RBM47: variants seen among roughly 807,000 people sequenced by gnomAD.
RBM47 encodes the protein RNA binding motif protein 47.
A neutral mutation model predicts 47.1 loss-of-function variants in RBM47; 21 were observed. That is an observed-to-expected ratio of 0.45 (90% CI 0.32 to 0.64). The LOEUF (loss-of-function observed/expected upper bound fraction) is 0.64. Among genes scored for constraint, RBM47 ranks in the 30% least tolerant of loss-of-function variants. RBM47 has a pLI of 0.05. For missense variants in RBM47, 708 were observed against 870.9 expected, an observed-to-expected ratio of 0.81 and a Z score of 2.35; for synonymous variants, 375 against 361.7, an observed-to-expected ratio of 1.04 and a Z score of -0.42.
intron 1 of RBM47, among the ~76,000 whole-genome samples, chr4:40,581,371 G>A (rs1289553473): frequency 6.6e-6 from 1 of 151,314 alleles, no homozygotes; most frequent in Non-Finnish European, 1.5e-5. Flanking sequence ...GCAGTGAGCC[G>A]AGCTCACACC....
intron 2 of RBM47, among the ~76,000 whole-genome samples, chr4:40,468,819 A>C (rs1718430293): frequency 6.6e-6 from 1 of 152,214 alleles, no homozygotes; most frequent in Non-Finnish European, 1.5e-5. Context: ...TCTTTACCCA[A>C]CTCTGTGAAA....
At chr4:40,522,098 T>C (rs985760470) in intron 2 of RBM47, among the ~76,000 whole-genome samples, 1 of 152,352 alleles carries the variant, frequency 6.6e-6, no homozygotes, top group Non-Finnish European at 1.5e-5. Flanking sequence ...TACAGAATCA[T>C]GCATGGGTAA....
intron 2 of RBM47, among the ~76,000 whole-genome samples, chr4:40,508,629 T>C (rs1724450545): frequency 6.6e-6 from 1 of 152,280 alleles, no homozygotes; most frequent in South Asian, 2.1e-4. Flanking sequence ...TCCATCTTAA[T>C]GAAGTAAGAA....
chr4:40,523,653 G>GAA (rs374751255), intron 2 of RBM47, among the ~76,000 whole-genome samples: 10 of 143,486 alleles, frequency 7.0e-5, no homozygotes, highest in African/African-American at 2.5e-4. Flanking sequence ...CTCCATCTAG[G>GAA]AAAAAAAAAA....
chr4:40,511,290 T>C (rs1277758892), intron 2 of RBM47, among the ~76,000 whole-genome samples: 2 of 152,234 alleles, frequency 1.3e-5, no homozygotes, highest in Non-Finnish European at 2.9e-5. Context: ...TTAGGCATTA[T>C]GGCATGTTGT....
intron 1 of RBM47, among the ~76,000 whole-genome samples, chr4:40,602,889 T>G (rs900406793): frequency 6.6e-6 from 1 of 151,890 alleles, no homozygotes; most frequent in African/African-American, 2.4e-5. Flanking sequence ...AATTCACAAG[T>G]TAAGAGAGTA....
intron 1 of RBM47, among the ~76,000 whole-genome samples, 151 bp downstream of exon 1, chr4:40,629,245 C>T (rs1207661188): frequency 1.3e-5 from 2 of 152,084 alleles, no homozygotes; most frequent in Admixed American, 6.5e-5. Context: ...TTATTTCCCA[C>T]TAAATATACC....
chr4:40,444,220 G>C (rs187341426), intron 3 of RBM47, among the ~76,000 whole-genome samples: 13 of 152,174 alleles, frequency 8.5e-5, no homozygotes, highest in Middle Eastern at 6.8e-3. Flanking sequence ...CAACAATAAC[G>C]AAAAGGAAAA....
intron 2 of RBM47, among the ~76,000 whole-genome samples, chr4:40,519,443 G>A (rs1163784240): frequency 4.0e-5 from 6 of 151,308 alleles, no homozygotes; most frequent in Non-Finnish European, 7.4e-5. Context: ...GATTACAGGT[G>A]TGCACCACCA....
Position 40,628,822 on chromosome 4 carries a change from A to T in RBM47, c.-240+574T>A, listed in dbSNP as rs1037697146. Among the ~76,000 whole-genome samples the T allele has an allele frequency of 6.6e-6, 1 of 152,132 alleles. No individual in the cohort carries two copies. On this transcript the variant is annotated intron_variant, in intron 1 of 6. Coordinates refer to ENST00000295971, the MANE Select transcript of RBM47 (RefSeq NM_001098634.2). This position sits in a 1 kb window ranked among gnomAD's most constrained non-coding sequence, Gnocchi z 4.0. ...CATTTATTTGAAAAATTCCACTTCC[A>T]TTTATTTTATCTGATTTCTTAAATA...
intron 1 of RBM47, among the ~76,000 whole-genome samples, chr4:40,592,023 C>T (rs1451041247): frequency 6.6e-6 from 1 of 152,140 alleles, no homozygotes; most frequent in Non-Finnish European, 1.5e-5. Context: ...TGCTTTACCC[C>T]TCAGGAAAAA....
intron 1 of RBM47, among the ~76,000 whole-genome samples, chr4:40,627,754 G>A (rs962482502): frequency 2.6e-5 from 4 of 152,178 alleles, no homozygotes; most frequent in South Asian, 2.1e-4. Flanking sequence ...GTGTCCAGAA[G>A]CATGTAGTTC....
intron 1 of RBM47, among the ~76,000 whole-genome samples, chr4:40,596,398 T>C (rs138364863): frequency 6.6e-6 from 1 of 152,292 alleles, no homozygotes; most frequent in African/African-American, 2.4e-5. Flanking sequence ...CATGTACCTA[T>C]ATATTGCTCT....
At chr4:40,543,913 GAAAAAAAA>G (rs35918900) in intron 2 of RBM47, 1 of 126,220 alleles carries the variant, frequency 7.9e-6, no homozygotes, top group African/African-American at 2.8e-5. Context: ...CCTCTAAAAA[GAAAAAAAA>G]AAAAAAAACA....
chr4:40,497,620 T>C (rs936868134), intron 2 of RBM47, among the ~76,000 whole-genome samples: 2 of 151,356 alleles, frequency 1.3e-5, no homozygotes, highest in Admixed American at 6.6e-5. Context: ...TTAAAAAATT[T>C]TAAATAAATA....
intron 2 of RBM47, among the ~76,000 whole-genome samples, chr4:40,513,025 G>C (rs1577854011): frequency 6.6e-6 from 1 of 152,284 alleles, no homozygotes; most frequent in East Asian, 1.9e-4. Flanking sequence ...TTTCCGATAT[G>C]CATATAAAAA....
chr4:40,612,071 C>T (rs1736311532), intron 1 of RBM47, among the ~76,000 whole-genome samples: 1 of 152,110 alleles, frequency 6.6e-6, no homozygotes, highest in South Asian at 2.1e-4. Context: ...GTAAATGGGC[C>T]ACCTGTAGAA....
rs1435078528 is a variant in RBM47 at position 40,424,868 on chromosome 4, A to G, written c.*1036T>C. On this transcript the variant is annotated 3_prime_UTR_variant, in exon 7 of 7. Transcript: ENST00000295971. The stretch of plus-strand genomic sequence containing the variant: ...ATTAGAAATGGCATTAAAGTTTTAC[A>G]TTGGGCAATTAAATAGCTATGCAAA... 6.6e-6 allele frequency: 1 copy of G among 152,182 alleles called. No homozygotes were observed. The highest frequency in any genetic ancestry group is 1.5e-5 in the Non-Finnish European group (1 of 68,024). 9.4% of individuals were successfully genotyped at this position (152,182 alleles called of 1,614,324 possible). A position where few individuals can be genotyped will look rare whatever the true frequency, so the allele number is the denominator to read the frequency against.
intron 2 of RBM47, among the ~76,000 whole-genome samples, chr4:40,506,260 G>A (rs1724086700): frequency 6.6e-6 from 1 of 152,138 alleles, no homozygotes; most frequent in Non-Finnish European, 1.5e-5. Context: ...TAATTTAAAT[G>A]TTTCACAATC....
Sources: gnomAD v4.1 joint callset for allele counts (sites outside exome capture counted in the v4.1 genomes callset) on GRCh38, gnomAD v4.1.1 for gene constraint, Gnocchi (gnomAD v3.1) non-coding constraint, MANE v1.5 for transcripts, NCBI Gene and HGNC (gene_info 2026-07-23, HGNC 2026-07-21) for gene names.